Variants in MRTFB observed in about 807,000 individuals in gnomAD.
MRTFB encodes myocardin related transcription factor B, also known as myocardin-related transcription factor B.
A neutral mutation model predicts 104.2 loss-of-function variants in MRTFB; 29 were observed. The observed-to-expected ratio is 0.28, with a 90% confidence interval of 0.21 to 0.38. The LOEUF (loss-of-function observed/expected upper bound fraction) is 0.38, where lower values mean the gene tolerates loss of function less well. Ranked by LOEUF, MRTFB falls within the 10% of genes least tolerant of loss-of-function variation. The probability of loss-of-function intolerance (pLI) is 1.00; values close to 1 mark genes in which losing one functional copy is unlikely to be tolerated. For missense variants in MRTFB, 1,270 were observed against 1,341.6 expected (o/e 0.95, Z 0.83); for synonymous variants, 535 against 519.5 (o/e 1.03, Z -0.41).
intron 3 of MRTFB, among the ~76,000 whole-genome samples, chr16:14,199,490 A>G (rs978781165): frequency 9.9e-5 from 15 of 152,130 alleles, no homozygotes; most frequent in African/African-American, 1.9e-4. Context: ...TTCCTATTCA[A>G]ACATGCCCAA....
chr16:14,224,856 G>A (rs528360306), intron 8 of MRTFB, among the ~76,000 whole-genome samples: 1 of 152,316 alleles, frequency 6.6e-6, no homozygotes, highest in East Asian at 1.9e-4. Flanking sequence ...AATCTGAAGT[G>A]AAAGGATGCC....
chr16:14,216,160 G>A (rs947924572), intron 6 of MRTFB, among the ~76,000 whole-genome samples: 4 of 152,204 alleles, frequency 2.6e-5, no homozygotes, highest in African/African-American at 9.6e-5. Flanking sequence ...ACACAGATGT[G>A]CTGCAGGGTA....
At chr16:14,223,952 C>G (rs2041874652) in intron 8 of MRTFB, among the ~76,000 whole-genome samples, 1 of 152,144 alleles carries the variant, frequency 6.6e-6, no homozygotes, top group South Asian at 2.1e-4. Context: ...TGAGACTAGG[C>G]AATTTATGAA....
At chr16:14,204,635 A>G (rs992928316) in intron 3 of MRTFB, among the ~76,000 whole-genome samples, 1 of 152,236 alleles carries the variant, frequency 6.6e-6, no homozygotes, top group African/African-American at 2.4e-5. Context: ...AAATTTCAAA[A>G]TTATACACCC....
At chr16:14,225,518 C>T (rs910811339) in intron 8 of MRTFB, among the ~76,000 whole-genome samples, 13 of 152,140 alleles carry the variant, frequency 8.5e-5, no homozygotes, top group African/African-American at 3.1e-4. Context: ...CATATGCAAA[C>T]CTACCCCCAA....
At chr16:14,133,735 A>G (rs1040438455) in intron 2 of MRTFB, among the ~76,000 whole-genome samples, 2 of 152,184 alleles carry the variant, frequency 1.3e-5, no homozygotes, top group African/African-American at 4.8e-5. Context: ...TAGCATTTAA[A>G]TCATGCTAAT....
At chr16:14,229,947 A>G (rs2042182483) in intron 8 of MRTFB, among the ~76,000 whole-genome samples, 1 of 152,158 alleles carries the variant, frequency 6.6e-6, no homozygotes, top group South Asian at 2.1e-4. Flanking sequence ...TCATTTTGAA[A>G]TTAAATTTTT....
intron 2 of MRTFB, among the ~76,000 whole-genome samples, chr16:14,098,284 T>A (rs2035506015): frequency 6.6e-6 from 1 of 152,208 alleles, no homozygotes; most frequent in African/African-American, 2.4e-5. Context: ...CTAATAGATG[T>A]GTAGAAGTAG....
At chr16:14,215,213 TA>T (rs2151191871) in intron 6 of MRTFB, among the ~76,000 whole-genome samples, 1 of 152,374 alleles carries the variant, frequency 6.6e-6, no homozygotes. Flanking sequence ...ACCCACCATT[TA>T]AAAATTTAAC....
At chr16:14,180,500 GT>G (rs1238959712) in intron 3 of MRTFB, among the ~76,000 whole-genome samples, 1 of 152,198 alleles carries the variant, frequency 6.6e-6, no homozygotes, top group Non-Finnish European at 1.5e-5. Context: ...ATGAAAGTGT[GT>G]TCTGTCATTT....
intron 2 of MRTFB, among the ~76,000 whole-genome samples, chr16:14,105,152 A>G (rs2035903158): frequency 6.6e-6 from 1 of 152,146 alleles, no homozygotes; most frequent in Non-Finnish European, 1.5e-5. Context: ...TGAAAAATGG[A>G]ACCCATTATT....
intron 2 of MRTFB, among the ~76,000 whole-genome samples, chr16:14,097,143 A>G (rs2035421126): frequency 6.6e-6 from 1 of 152,268 alleles, no homozygotes; most frequent in African/African-American, 2.4e-5. Flanking sequence ...GGAGATGCAG[A>G]GTGGCCTTGC....
Position 14,193,271 on chromosome 16 carries a change from G to A in MRTFB, c.155-16972G>A, listed in dbSNP as rs188685465. Reference sequence around the variant, plus strand: ...TCATCTTAAAATGTAATCCTATTCCGTTGTGTCACTGGCTCACACCTTGTA... The same window carrying A: ...TCATCTTAAAATGTAATCCTATTCCATTGTGTCACTGGCTCACACCTTGTA... On this transcript the variant is annotated intron_variant, in intron 3 of 16. Transcript: ENST00000571589. Among the ~76,000 whole-genome samples the A allele has an allele frequency of 1.4e-4, 20 of 143,240 alleles. No individual in the cohort carries two copies. In the East Asian group the frequency reaches 3.8e-3, roughly 27 times the overall value. The allele number at this position is 143,240 out of a possible 152,430, so 94.0% of individuals were successfully genotyped here. A position where few individuals can be genotyped will look rare whatever the true frequency, so the allele number is the denominator to read the frequency against.
intron 3 of MRTFB, among the ~76,000 whole-genome samples, chr16:14,180,017 C>A (rs536232600): frequency 6.6e-6 from 1 of 152,304 alleles, no homozygotes; most frequent in East Asian, 1.9e-4. Context: ...ATGGTGGGAC[C>A]ACATATTGGT....
chr16:14,176,496 C>G lies in MRTFB; in HGVS notation c.155-33747C>G, dbSNP rs76073644. ...TCTGTGACTGTTTTCTCAGTTCTCC[C>G]AAGAATGACATAGCAAATACCATTT... On this transcript the variant is annotated intron_variant, in intron 3 of 16. Transcript: ENST00000571589. 2.0e-3 allele frequency among the ~76,000 whole-genome samples: 312 copies of G among 152,258 alleles called. 3 individuals are homozygous for G. The highest frequency in any genetic ancestry group is 7.2e-3 in the African/African-American group (298 of 41,540).
At chr16:14,032,987 A>G in the MRTFB span, among the ~76,000 whole-genome samples, 674 of 151,964 alleles carry the variant, frequency 4.4e-3, 4 homozygotes, top group African/African-American at 0.016. Flanking sequence ...CTGTGGGCAT[A>G]GAAGAGAAAA....
At chr16:14,080,959 A>G (rs1241482956) in intron 2 of MRTFB, among the ~76,000 whole-genome samples, 1 of 152,234 alleles carries the variant, frequency 6.6e-6, no homozygotes, top group East Asian at 1.9e-4. Context: ...TAGTGCTGCA[A>G]TAAATGTGAG....
chr16:14,239,419 A>C (rs2042664021), intron 9 of MRTFB, among the ~76,000 whole-genome samples: 1 of 152,254 alleles, frequency 6.6e-6, no homozygotes, highest in Non-Finnish European at 1.5e-5. Flanking sequence ...TAATGTGATC[A>C]TATCAATAGC....
At chr16:14,023,675 G>GTGTGTA in the MRTFB span, among the ~76,000 whole-genome samples, 5 of 145,070 alleles carry the variant, frequency 3.4e-5, no homozygotes, top group Non-Finnish European at 7.6e-5. Context: ...GTGTGTGTGT[G>GTGTGTA]TCTATATATA....
Sources: gnomAD v4.1 joint callset for allele counts (sites outside exome capture counted in the v4.1 genomes callset) on GRCh38, gnomAD v4.1.1 for gene constraint, MANE v1.5 for transcripts, NCBI Gene and HGNC (gene_info 2026-07-23, HGNC 2026-07-21) for gene names.